The following VSTM4 variants were observed in gnomAD, a reference collection of about 807,000 sequenced individuals.
VSTM4 encodes the protein V-set and transmembrane domain containing 4, also known as V-set and transmembrane domain-containing protein 4.
Under a neutral mutation model 36.4 loss-of-function variants are expected in VSTM4, and 20 were observed. The ratio of observed to expected loss-of-function variants is 0.55; its 90% CI spans 0.39 to 0.80. VSTM4 has a LOEUF of 0.80. Among genes scored for constraint, VSTM4 ranks in the 30% least tolerant of loss-of-function variants. The probability of loss-of-function intolerance (pLI) is 0.00; values close to 1 mark genes in which losing one functional copy is unlikely to be tolerated. For synonymous variants in VSTM4, 182 were observed against 173.9 expected, an observed-to-expected ratio of 1.05 and a Z score of -0.37; for missense variants, 392 against 404.5, an observed-to-expected ratio of 0.97 and a Z score of 0.26.
rs765778444 is a variant in VSTM4, at chr10:49,077,334, G to A, written c.527-8C>T. 19 of 1,613,890 alleles carry A rather than the reference G, an allele frequency of 1.2e-5. No homozygotes were observed. The highest frequency in any genetic ancestry group is 1.5e-5 in the Non-Finnish European group (18 of 1,179,892). On this transcript the variant is annotated splice_polypyrimidine_tract_variant and splice_region_variant and intron_variant, in intron 3 of 7. Transcript: ENST00000332853. ...CAGCATACACATAGAGATCTGAAAG[G>A]CAAGGACAGACACGTGAGTCAGCCT... is the stretch of plus-strand genomic sequence containing the variant.
rs1253161742 is a variant in VSTM4 at position 49,016,079 on chromosome 10, G to C, written c.*3571C>G. ...TCAGGGGCTGCAATGCAGCCACTGGGTGTGACCTAATTGGGCACCCTGGGT... is the reference window on the plus strand; with the variant it reads ...TCAGGGGCTGCAATGCAGCCACTGGCTGTGACCTAATTGGGCACCCTGGGT... On this transcript the variant is annotated 3_prime_UTR_variant, in exon 8 of 8. Transcript: ENST00000332853. 1 of 152,158 alleles carries C rather than the reference G, an allele frequency of 6.6e-6. No individual in the cohort carries two copies. Among genetic ancestry groups the C allele is most frequent in the African/African-American group, 2.4e-5 (1 of 41,434 alleles). The allele number at this position is 152,158 out of a possible 1,614,324, so 9.4% of individuals were successfully genotyped here. A position where few individuals can be genotyped will look rare whatever the true frequency, so the allele number is the denominator to read the frequency against.
chr10:49,097,382 G>A (rs949660367), intron 2 of VSTM4, among the ~76,000 whole-genome samples: 14 of 152,192 alleles, frequency 9.2e-5, no homozygotes, highest in Non-Finnish European at 1.9e-4. Context: ...AGAGGTGATG[G>A]GATGTCAAGC....
chr10:49,043,318 TTAAA>T (rs1463863679), intron 7 of VSTM4, among the ~76,000 whole-genome samples: 3 of 152,244 alleles, frequency 2.0e-5, no homozygotes, highest in Admixed American at 6.5e-5. Flanking sequence ...GATAGTTAAG[TTAAA>T]TAAACTATAC....
At position 49,019,471 on chromosome 10, in the gene VSTM4, G is replaced by A. The variant is rs1310744551; in HGVS notation, c.*179C>T. 3.9e-6 allele frequency: 3 copies of A among 768,980 alleles called. No individual in the cohort carries two copies. The highest frequency in any genetic ancestry group is 4.8e-5 in the South Asian group (1 of 20,980). 47.6% of individuals were successfully genotyped at this position (768,980 alleles called of 1,614,324 possible). On this transcript the variant is annotated 3_prime_UTR_variant, in exon 8 of 8. Transcript: ENST00000332853. ...GAGATCTGTCAAGAGCTGTGGCCCC[G>A]ATTCTTTTGGGGAGAGCAGGCTTGT...
intron 7 of VSTM4, among the ~76,000 whole-genome samples, chr10:49,032,958 G>A: frequency 6.7e-6 from 1 of 150,200 alleles, no homozygotes. Flanking sequence ...TTTTTGGTGG[G>A]AGAATAAAAT....
chr10:49,081,371 G>A (rs887758363), intron 3 of VSTM4, among the ~76,000 whole-genome samples: 4 of 152,196 alleles, frequency 2.6e-5, no homozygotes, highest in Non-Finnish European at 5.9e-5. Context: ...GGAGTGGAGA[G>A]AAAAATTGTC....
intron 1 of VSTM4, among the ~76,000 whole-genome samples, chr10:49,109,860 C>T (rs1844860602): frequency 6.6e-6 from 1 of 152,250 alleles, no homozygotes; most frequent in African/African-American, 2.4e-5. Context: ...GAATTGGCCC[C>T]ACAATTCCCC....
At chr10:49,050,683 T>C (rs780070069) in intron 5 of VSTM4, among the ~76,000 whole-genome samples, 1 of 152,234 alleles carries the variant, frequency 6.6e-6, no homozygotes, top group Non-Finnish European at 1.5e-5. Context: ...ATTGTTTACA[T>C]ATACAACCAC....
In VSTM4 at chr10:49,102,406, T is replaced by C. The variant is rs184206670; in HGVS notation, c.457+5188A>G. Reference sequence around the variant, plus strand: ...ACCTCGGCCTCCCAAAGTGCTGGGATTACAGGCGTAAGCCACCATGCCTGG... The same window carrying C: ...ACCTCGGCCTCCCAAAGTGCTGGGACTACAGGCGTAAGCCACCATGCCTGG... On this transcript the variant is annotated intron_variant, in intron 2 of 7. Transcript: ENST00000332853. 3.1e-5 allele frequency: 31 copies of C among 985,406 alleles called. No individual in the cohort carries two copies. In the African/African-American group the frequency reaches 5.2e-4, roughly 17 times the overall value. The allele number at this position is 985,406 out of a possible 1,614,324, so 61.0% of individuals were successfully genotyped here.
intron 3 of VSTM4, among the ~76,000 whole-genome samples, chr10:49,080,533 T>A (rs1486755880): frequency 6.6e-6 from 1 of 152,148 alleles, no homozygotes; most frequent in African/African-American, 2.4e-5. Flanking sequence ...GGACTGAAAA[T>A]AAAATAAGTA....
intron 7 of VSTM4, among the ~76,000 whole-genome samples, chr10:49,034,081 G>A (rs1206011397): frequency 6.7e-6 from 1 of 150,232 alleles, no homozygotes; most frequent in Non-Finnish European, 1.5e-5. Flanking sequence ...TACCATCACT[G>A]TCATCACCAT....
intron 7 of VSTM4, among the ~76,000 whole-genome samples, chr10:49,033,654 T>C (rs909341412): frequency 1.3e-5 from 2 of 152,132 alleles, no homozygotes; most frequent in African/African-American, 4.8e-5. Flanking sequence ...CAGAGTGCAG[T>C]GGGGAAGAAC....
intron 2 of VSTM4, among the ~76,000 whole-genome samples, chr10:49,105,229 G>GAGAC (rs1844754850): frequency 6.7e-6 from 1 of 148,742 alleles, no homozygotes; most frequent in Non-Finnish European, 1.5e-5. Flanking sequence ...GAGAGAGAGA[G>GAGAC]AGAGAGACAG....
chr10:49,030,521 C>T (rs1263575151), intron 7 of VSTM4, among the ~76,000 whole-genome samples: 3 of 152,188 alleles, frequency 2.0e-5, no homozygotes, highest in Admixed American at 1.3e-4. Flanking sequence ...AGCCAGTCAC[C>T]CAGCATGCTC....
intron 4 of VSTM4, among the ~76,000 whole-genome samples, chr10:49,065,341 G>A (rs1014715016): frequency 6.6e-6 from 1 of 152,154 alleles, no homozygotes; most frequent in Admixed American, 6.5e-5. Context: ...AAACAACCAG[G>A]GGGACCCTTG....
At chr10:49,079,910 A>G (rs1401226551) in intron 3 of VSTM4, among the ~76,000 whole-genome samples, 1 of 147,958 alleles carries the variant, frequency 6.8e-6, no homozygotes, top group Non-Finnish European at 1.5e-5. Flanking sequence ...AATTGAGATC[A>G]TATACTTTCA....
At chr10:49,026,025 C>A (rs954973846) in intron 7 of VSTM4, among the ~76,000 whole-genome samples, 3 of 152,184 alleles carry the variant, frequency 2.0e-5, no homozygotes, top group African/African-American at 7.2e-5. Context: ...AGGTAGAAGA[C>A]AGAAAAATCC....
intron 5 of VSTM4, among the ~76,000 whole-genome samples, chr10:49,063,136 T>C (rs902937455): frequency 8.6e-5 from 13 of 152,036 alleles, no homozygotes; most frequent in Non-Finnish European, 2.9e-5. Flanking sequence ...GTCACGAGTT[T>C]GAGACCAACC....
chr10:49,032,747 C>T (rs1310556328), intron 7 of VSTM4, among the ~76,000 whole-genome samples: 1 of 152,116 alleles, frequency 6.6e-6, no homozygotes, highest in Non-Finnish European at 1.5e-5. Context: ...AGAGGTTCCA[C>T]GACAACACTC....
Sources: gnomAD v4.1 joint callset for allele counts (sites outside exome capture counted in the v4.1 genomes callset) on GRCh38, gnomAD v4.1.1 for gene constraint, MANE v1.5 for transcripts, NCBI Gene and HGNC (gene_info 2026-07-23, HGNC 2026-07-21) for gene names.